The following NXPH1 variants were observed in gnomAD, a reference collection of about 807,000 sequenced individuals.
The protein encoded by NXPH1 is neurexophilin 1, also known as neurexophilin-1.
Under a neutral mutation model 23.7 loss-of-function variants are expected in NXPH1, and 5 were observed. The observed-to-expected ratio is 0.21, with a 90% CI of 0.11 to 0.44. The LOEUF (loss-of-function observed/expected upper bound fraction) is 0.44. Among genes scored for constraint, NXPH1 ranks in the 20% least tolerant of loss-of-function variants. The pLI, the probability that NXPH1 is intolerant of heterozygous loss-of-function variation, is 0.99. For synonymous variants in NXPH1, 144 were observed against 122.2 expected, an observed-to-expected ratio of 1.18 and a Z score of -1.18; for missense variants, 324 against 321.6, an observed-to-expected ratio of 1.01 and a Z score of -0.06.
At chr7:8,668,297 G>A (rs1172199726) in intron 2 of NXPH1, among the ~76,000 whole-genome samples, 2 of 119,122 alleles carry the variant, frequency 1.7e-5, no homozygotes, top group African/African-American at 5.8e-5. Context: ...GTCTTATGTT[G>A]ATAACTGCAC....
chr7:8,664,507 A>G (rs10246879), intron 2 of NXPH1, among the ~76,000 whole-genome samples: 1 of 152,048 alleles, frequency 6.6e-6, no homozygotes, highest in Non-Finnish European at 1.5e-5. Flanking sequence ...GAAACTTACA[A>G]AGATATAAAA....
chr7:8,513,165 G>T (rs1014283353), intron 2 of NXPH1, among the ~76,000 whole-genome samples: 1 of 152,184 alleles, frequency 6.6e-6, no homozygotes, highest in East Asian at 1.9e-4. Flanking sequence ...TGGGACTGGT[G>T]GTCTTTGAAT....
In NXPH1 at chr7:8,751,333, A is replaced by G; in HGVS notation, c.380A>G (p.Asn127Ser). 1 of 1,613,954 alleles carries G rather than the reference A, an allele frequency of 6.2e-7. No individual in the cohort carries two copies. Among genetic ancestry groups the G allele is most frequent in the Non-Finnish European group, 8.5e-7 (1 of 1,179,874 alleles). ...KMFGWGDFHS[N>S]IKTVKLNLLI... Reference sequence around the variant, plus strand: ...TTTGGATGGGGCGATTTTCATTCCAACATCAAAACAGTGAAGCTGAACCTG... The same window carrying G: ...TTTGGATGGGGCGATTTTCATTCCAGCATCAAAACAGTGAAGCTGAACCTG... Residue 127 changes from asparagine (N) to serine (S), a missense_variant, in exon 3 of 3, where the codon AAC (asparagine) becomes AGC (serine). Coordinates refer to ENST00000405863, the MANE Select transcript of NXPH1 (RefSeq NM_152745.3). This position sits in a 1 kb window ranked among gnomAD's most constrained non-coding sequence, Gnocchi z 4.5.
intron 2 of NXPH1, among the ~76,000 whole-genome samples, chr7:8,455,026 C>G (rs1346863528): frequency 1.3e-5 from 2 of 151,774 alleles, no homozygotes; most frequent in African/African-American, 4.8e-5. Flanking sequence ...CTGTTTTTTT[C>G]ATTTGTGTAG....
chr7:8,719,020 A>G (rs1201791759), intron 2 of NXPH1, among the ~76,000 whole-genome samples: 2 of 152,208 alleles, frequency 1.3e-5, no homozygotes, highest in Non-Finnish European at 2.9e-5. Flanking sequence ...CTGTTATTGA[A>G]ATATTTTTGG....
intron 2 of NXPH1, among the ~76,000 whole-genome samples, chr7:8,443,754 C>T (rs1816347978): frequency 6.6e-6 from 1 of 152,246 alleles, no homozygotes; most frequent in Admixed American, 6.5e-5. Context: ...CGTGGTTAGG[C>T]TCGCCAGCGT....
chr7:8,501,238 A>T (rs73232386), intron 2 of NXPH1, among the ~76,000 whole-genome samples: 1 of 152,100 alleles, frequency 6.6e-6, no homozygotes, highest in Admixed American at 6.6e-5. Flanking sequence ...ATGAATTGAA[A>T]TTAGGCTTTT....
chr7:8,517,556 G>T (rs1034907324), intron 2 of NXPH1, among the ~76,000 whole-genome samples: 1 of 152,110 alleles, frequency 6.6e-6, no homozygotes, highest in Non-Finnish European at 1.5e-5. Flanking sequence ...TGTTGCTTAA[G>T]ATCTGACTCT....
At chr7:8,552,114 CAAAAAA>C (rs34390317) in intron 2 of NXPH1, among the ~76,000 whole-genome samples, 157 of 61,746 alleles carry the variant, frequency 2.5e-3, no homozygotes, top group African/African-American at 0.01. Flanking sequence ...GAAAAAAAAC[CAAAAAA>C]AAAAAAAAAA....
At chr7:8,445,816 T>C (rs933611400) in intron 2 of NXPH1, among the ~76,000 whole-genome samples, 2 of 152,258 alleles carry the variant, frequency 1.3e-5, no homozygotes, top group African/African-American at 4.8e-5. Flanking sequence ...ACCATTTCCT[T>C]GGTAGGAATC....
chr7:8,509,174 C>A (rs923216281), intron 2 of NXPH1, among the ~76,000 whole-genome samples: 5 of 152,182 alleles, frequency 3.3e-5, no homozygotes, highest in Middle Eastern at 6.8e-3. Flanking sequence ...TTGAGGTGAA[C>A]TGCAAAACTT....
At chr7:8,666,470 C>T (rs6961663) in intron 2 of NXPH1, among the ~76,000 whole-genome samples, 111,087 of 151,912 alleles carry the variant, frequency 0.73, 41,042 homozygotes, top group East Asian at 1. Flanking sequence ...TTTATGTTCC[C>T]CAGGGATATT....
Position 8,741,551 on chromosome 7 carries a change from C to T in NXPH1, c.55-9457C>T, listed in dbSNP as rs114879762. Among the ~76,000 whole-genome samples, 31 of 152,110 alleles carry T rather than the reference C, an allele frequency of 2.0e-4. 1 individual carries two copies. The highest frequency in any genetic ancestry group is 6.3e-4 in the African/African-American group (26 of 41,456). ...GTACAGCTGTTCCCTTTCTCCACAT[C>T]GTGTTCAGCACTGATTATTGTTTGA... On this transcript the variant is annotated intron_variant, in intron 2 of 2. Coordinates refer to ENST00000405863, the MANE Select transcript of NXPH1 (RefSeq NM_152745.3).
chr7:8,636,857 G>C (rs1820225447), intron 2 of NXPH1, among the ~76,000 whole-genome samples: 1 of 150,730 alleles, frequency 6.6e-6, no homozygotes, highest in Non-Finnish European at 1.5e-5. Flanking sequence ...ATTTGTATTG[G>C]ATTTCTTTAA....
intron 2 of NXPH1, among the ~76,000 whole-genome samples, chr7:8,555,395 C>G (rs553073691): frequency 6.6e-6 from 1 of 151,572 alleles, no homozygotes; most frequent in East Asian, 2.0e-4. Context: ...GCAGAAGATA[C>G]GAGTAGATTT....
intron 2 of NXPH1, among the ~76,000 whole-genome samples, chr7:8,627,808 G>A (rs1820026067): frequency 6.6e-6 from 1 of 152,054 alleles, no homozygotes; most frequent in Non-Finnish European, 1.5e-5. Flanking sequence ...ATGCTTCTTA[G>A]CAACCAGACC....
At chr7:8,574,734 G>C (rs913070621) in intron 2 of NXPH1, among the ~76,000 whole-genome samples, 1 of 152,066 alleles carries the variant, frequency 6.6e-6, no homozygotes, top group Non-Finnish European at 1.5e-5. Flanking sequence ...CTTGGATTCC[G>C]TCTCCTGCTG....
At chr7:8,641,816 T>C (rs1190341814) in intron 2 of NXPH1, among the ~76,000 whole-genome samples, 1 of 152,234 alleles carries the variant, frequency 6.6e-6, no homozygotes, top group Non-Finnish European at 1.5e-5. Flanking sequence ...ACAACCTTTT[T>C]GTCCTTATTT....
In NXPH1 at chr7:8,498,167, G is replaced by T. The variant is rs1817370304; in HGVS notation, c.54+62400G>T. ...CACACGCAAGTTATTATTATTACAA[G>T]TACCTTATTTAGATGGACATCAGCT... On this transcript the variant is annotated intron_variant, in intron 2 of 2. Coordinates refer to ENST00000405863, the MANE Select transcript of NXPH1 (RefSeq NM_152745.3). Among the ~76,000 whole-genome samples the T allele has an allele frequency of 2.0e-5, 3 of 152,102 alleles. No homozygotes were observed. The South Asian group carries it at 6.2e-4, about 31-fold the overall frequency.
Sources: allele counts gnomAD v4.1 joint callset (sites outside exome capture counted in the v4.1 genomes callset), GRCh38; gene constraint gnomAD v4.1.1; non-coding constraint Gnocchi (gnomAD v3.1); transcripts MANE v1.5; gene names NCBI Gene and HGNC (gene_info 2026-07-23, HGNC 2026-07-21).